The following NLGN1 variants were observed in gnomAD, a reference collection of about 807,000 sequenced individuals.
NLGN1 encodes the protein neuroligin-1.
Under a neutral mutation model 65.5 loss-of-function variants are expected in NLGN1, and 12 were observed. The observed-to-expected ratio is 0.18, with a 90% CI of 0.12 to 0.30. NLGN1 has a LOEUF of 0.30. Among genes scored for constraint, NLGN1 ranks in the 10% least tolerant of loss-of-function variants. The pLI is 1.00. For synonymous variants in NLGN1, 350 were observed against 359.5 expected (o/e 0.97, Z 0.30); for missense variants, 750 against 1,007.1 (o/e 0.74, Z 3.46).
intron 2 of NLGN1, among the ~76,000 whole-genome samples, chr3:173,440,707 G>GT (rs1443750830): frequency 6.6e-6 from 1 of 152,074 alleles, no homozygotes; most frequent in Admixed American, 6.6e-5. Context: ...TGTCATCCAG[G>GT]CTTTATTATT....
In NLGN1 at chr3:173,747,198, A is replaced by AAT. The variant is rs1491119349; in HGVS notation, c.494-60473_494-60472dup. Among the ~76,000 whole-genome samples the AAT allele has an allele frequency of 8.3e-4, 113 of 135,886 alleles. 1 individual carries two copies. Among genetic ancestry groups the AAT allele is most frequent in the African/African-American group, 3.2e-3 (109 of 33,870 alleles). 89.1% of individuals were successfully genotyped at this position (135,886 alleles called of 152,430 possible). On this transcript the variant is annotated intron_variant, in intron 3 of 6. Coordinates refer to ENST00000457714, the Ensembl canonical transcript of NLGN1. ...CAGCGTCTCAAAACAATATATATAT[A>AAT]ATATATATATCTTTAAGTATATATA...
chr3:174,291,117 G>T (rs943280084), downstream of NLGN1, among the ~76,000 whole-genome samples: 2 of 149,848 alleles, frequency 1.3e-5, no homozygotes, highest in Non-Finnish European at 3.0e-5. Flanking sequence ...AAAAAGAAAT[G>T]GGAATAAATA....
At chr3:173,880,788 A>G (rs745680835) in intron 4 of NLGN1, among the ~76,000 whole-genome samples, 1 of 152,164 alleles carries the variant, frequency 6.6e-6, no homozygotes, top group Admixed American at 6.5e-5. Flanking sequence ...TGCCACTTCA[A>G]TTAACTCTTC....
At chr3:173,833,967 C>T (rs1723103135) in intron 4 of NLGN1, among the ~76,000 whole-genome samples, 1 of 113,328 alleles carries the variant, frequency 8.8e-6, no homozygotes, top group Non-Finnish European at 1.8e-5. Flanking sequence ...AAATAATCCC[C>T]TTATTTTTTG....
At chr3:173,908,420 A>G (rs1187832241) in intron 4 of NLGN1, among the ~76,000 whole-genome samples, 3 of 152,232 alleles carry the variant, frequency 2.0e-5, no homozygotes, top group Admixed American at 1.3e-4. Context: ...AAACCTCACA[A>G]TCTCACTTGT....
At chr3:173,864,464 AG>A (rs1177913309) in intron 4 of NLGN1, among the ~76,000 whole-genome samples, 5 of 152,184 alleles carry the variant, frequency 3.3e-5, no homozygotes, top group African/African-American at 9.7e-5. Flanking sequence ...TACACGTTGA[AG>A]GGGGAAATCA....
intron 4 of NLGN1, among the ~76,000 whole-genome samples, chr3:174,019,619 A>G (rs1351882681): frequency 6.6e-6 from 1 of 152,186 alleles, no homozygotes; most frequent in African/African-American, 2.4e-5. Flanking sequence ...AGAGACAGGT[A>G]GAGAGAAAGA....
chr3:173,518,274 A>G (rs188699190), intron 2 of NLGN1, among the ~76,000 whole-genome samples: 203 of 151,858 alleles, frequency 1.3e-3, no homozygotes, highest in African/African-American at 4.3e-3. Flanking sequence ...ATTAAAAGCC[A>G]TATGTTGACT....
At chr3:173,494,720 G>A (rs1729726326) in intron 2 of NLGN1, among the ~76,000 whole-genome samples, 1 of 151,696 alleles carries the variant, frequency 6.6e-6, no homozygotes, top group South Asian at 2.1e-4. Context: ...TGAGGTAGTG[G>A]CTGAGAGTTC....
intron 2 of NLGN1, among the ~76,000 whole-genome samples, chr3:173,465,193 C>A (rs555564735): frequency 6.6e-6 from 1 of 152,116 alleles, no homozygotes; most frequent in Non-Finnish European, 1.5e-5. Flanking sequence ...CTGTGTCCTG[C>A]GACTCAGGAA....
intron 4 of NLGN1, among the ~76,000 whole-genome samples, chr3:174,000,422 G>A (rs749024517): frequency 1.5e-4 from 23 of 152,088 alleles, no homozygotes; most frequent in Non-Finnish European, 2.9e-4. Context: ...GTCAGGAATA[G>A]TTTTCGCAAG....
intron 3 of NLGN1, among the ~76,000 whole-genome samples, chr3:173,722,462 G>A (rs1207980970): frequency 1.3e-5 from 2 of 151,956 alleles, no homozygotes; most frequent in Non-Finnish European, 2.9e-5. Context: ...AGCTGGTCTC[G>A]AACTCCTCAC....
At chr3:173,540,620 G>A (rs543315758) in intron 2 of NLGN1, among the ~76,000 whole-genome samples, 1 of 152,072 alleles carries the variant, frequency 6.6e-6, no homozygotes, top group Non-Finnish European at 1.5e-5. Flanking sequence ...CTTAAGCAGG[G>A]CCAGGAAGTG....
intron 4 of NLGN1, among the ~76,000 whole-genome samples, chr3:173,943,894 G>C (rs1329396545): frequency 6.6e-6 from 1 of 152,110 alleles, no homozygotes; most frequent in East Asian, 1.9e-4. Context: ...TATTTACAAA[G>C]TAGTAAAACA....
rs1751170231 is a variant in NLGN1 at position 174,279,323 on chromosome 3, C to T, written c.1322C>T (p.Thr441Ile). Residue 441 changes from threonine to isoleucine, a missense_variant, in exon 6 of 7, where the codon ACT becomes ATT. Coordinates refer to ENST00000457714, the Ensembl canonical transcript of NLGN1. This position sits in a 1 kb window ranked among gnomAD's most constrained non-coding sequence, Gnocchi z 4.7. Reference sequence around the variant, plus strand: ...AGAGAAACCATTAAGTTCATGTATACTGACTGGGCTGACCGTCATAACCCT... The same window carrying T: ...AGAGAAACCATTAAGTTCATGTATATTGACTGGGCTGACCGTCATAACCCT... 1 of 1,613,258 alleles carries T rather than the reference C, an allele frequency of 6.2e-7. No individual in the cohort carries two copies. Among genetic ancestry groups the T allele is most frequent in the Non-Finnish European group, 8.5e-7 (1 of 1,179,562 alleles).
At chr3:173,820,136 G>A (rs1247171785) in intron 4 of NLGN1, among the ~76,000 whole-genome samples, 3 of 147,738 alleles carry the variant, frequency 2.0e-5, no homozygotes, top group Non-Finnish European at 4.4e-5. Flanking sequence ...CGGAGATGGC[G>A]CCACTGCACT....
At chr3:173,581,461 G>C (rs574626052) in intron 2 of NLGN1, among the ~76,000 whole-genome samples, 1 of 151,956 alleles carries the variant, frequency 6.6e-6, no homozygotes. Flanking sequence ...TGATCAATCA[G>C]TTGATTGACT....
chr3:174,274,048 A>ATGTT (rs1750025807), intron 4 of NLGN1, among the ~76,000 whole-genome samples: 1 of 151,624 alleles, frequency 6.6e-6, no homozygotes, highest in African/African-American at 2.4e-5. Flanking sequence ...TTGACCCATT[A>ATGTT]TGTTGAATTT....
intron 2 of NLGN1, among the ~76,000 whole-genome samples, chr3:173,445,827 A>G (rs960038729): frequency 6.6e-6 from 1 of 152,170 alleles, no homozygotes; most frequent in African/African-American, 2.4e-5. Context: ...TTAAGTTCAC[A>G]CTGACCAACC....
Sources: allele counts gnomAD v4.1 joint callset (sites outside exome capture counted in the v4.1 genomes callset), GRCh38; gene constraint gnomAD v4.1.1; non-coding constraint Gnocchi (gnomAD v3.1); transcripts MANE v1.5; gene names NCBI Gene and HGNC (gene_info 2026-07-23, HGNC 2026-07-21).